Variants in GLB1 observed in about 807,000 individuals in gnomAD.
GLB1 encodes galactosidase beta 1, also known as beta-galactosidase.
A neutral mutation model predicts 74.0 loss-of-function variants in GLB1; 56 were observed. The ratio of observed to expected loss-of-function variants is 0.76; its 90% CI spans 0.61 to 0.94. The LOEUF (loss-of-function observed/expected upper bound fraction) is 0.94, where lower values mean the gene tolerates loss of function less well. GLB1 is among the 40% of genes least tolerant of loss of function. The pLI is 0.00. For missense variants in GLB1, 787 were observed against 845.5 expected, an observed-to-expected ratio of 0.93 and a Z score of 0.86; for synonymous variants, 323 against 323.6, an observed-to-expected ratio of 1.00 and a Z score of 0.02.
chr3:33,045,216 C>G (rs1698690521), intron 10 of GLB1: 1 of 480,858 alleles, frequency 2.1e-6, no homozygotes, highest in African/African-American at 2.1e-5. Flanking sequence ...AATTAACAAT[C>G]AGTAGACTGA....
intron 14 of GLB1, among the ~76,000 whole-genome samples, chr3:33,014,751 G>C (rs376647386): frequency 6.6e-6 from 1 of 152,304 alleles, no homozygotes; most frequent in East Asian, 1.9e-4. Context: ...CAGATCACTT[G>C]AGGTTAGGAG....
the GLB1 span, among the ~76,000 whole-genome samples, chr3:32,981,090 C>CAAAAAA: frequency 6.5e-5 from 3 of 46,298 alleles, no homozygotes; most frequent in Non-Finnish European, 1.1e-4. Context: ...GACTCCGTCT[C>CAAAAAA]AAAAAAAAAA....
At chr3:32,965,214 T>C in the GLB1 span, among the ~76,000 whole-genome samples, 1 of 151,860 alleles carries the variant, frequency 6.6e-6, no homozygotes, top group East Asian at 1.9e-4. Flanking sequence ...CAGGCAGAGG[T>C]TGGAACAGTT....
At chr3:33,064,499 G>A (rs1310651029) in intron 5 of GLB1, among the ~76,000 whole-genome samples, 3 of 147,306 alleles carry the variant, frequency 2.0e-5, no homozygotes, top group South Asian at 2.2e-4. Flanking sequence ...GGTCATAGCC[G>A]GGCACGGTGG....
At chr3:33,014,006 C>T in intron 15 of GLB1, 50 bp downstream of exon 15, 1 of 1,613,934 alleles carries the variant, frequency 6.2e-7, no homozygotes, top group African/African-American at 1.3e-5. Context: ...CAGACACTAA[C>T]AACCAAAAGT....
chr3:32,997,927 C>G (rs1381814019), intron 15 of GLB1, among the ~76,000 whole-genome samples: 1 of 152,180 alleles, frequency 6.6e-6, no homozygotes, highest in African/African-American at 2.4e-5. Flanking sequence ...CCCAAAACAA[C>G]CCCTCAAGAG....
the GLB1 span, among the ~76,000 whole-genome samples, chr3:32,970,126 C>A: frequency 2.0e-5 from 3 of 152,178 alleles, no homozygotes; most frequent in African/African-American, 4.8e-5. Flanking sequence ...AGACAATGAA[C>A]CAACATTTGT....
chr3:33,024,192 A>C lies in GLB1; in HGVS notation c.1143+59T>G, dbSNP rs1697631216. 3 of 1,545,852 alleles carry C rather than the reference A, an allele frequency of 1.9e-6. No homozygotes were observed. The African/African-American group carries it at 4.1e-5, about 21-fold the overall frequency. ...CAGCACTTTCACTCACTGCTACTAA[A>C]TTCCACTTTCTCACTCCCATCTCTC... On this transcript the variant is annotated intron_variant, in intron 11 of 15. Coordinates refer to ENST00000307363, the MANE Select transcript of GLB1 (RefSeq NM_000404.4).
chr3:33,060,566 G>C (rs138467996), intron 5 of GLB1, among the ~76,000 whole-genome samples: 1 of 152,090 alleles, frequency 6.6e-6, no homozygotes, highest in African/African-American at 2.4e-5. Context: ...ATGTTCTCTT[G>C]AGCTCACCCC....
At chr3:33,044,406 C>T (rs1698661241) in intron 10 of GLB1, among the ~76,000 whole-genome samples, 1 of 151,884 alleles carries the variant, frequency 6.6e-6, no homozygotes, top group Non-Finnish European at 1.5e-5. Context: ...CACAGCAGTA[C>T]TTGAAGGAAA....
downstream of GLB1, among the ~76,000 whole-genome samples, chr3:32,993,527 T>C (rs1032004324): frequency 2.1e-3 from 267 of 126,864 alleles, 2 homozygotes; most frequent in African/African-American, 7.4e-3. Flanking sequence ...AGCTAATTTT[T>C]TTTTTTTTTT....
chr3:33,038,536 C>CA (rs201887295), intron 10 of GLB1, among the ~76,000 whole-genome samples: 3,379 of 152,036 alleles, frequency 0.022, 130 homozygotes, highest in African/African-American at 0.075. Context: ...GTTACAATTC[C>CA]AAAAAAATGG....
At chr3:32,976,614 C>G in the GLB1 span, among the ~76,000 whole-genome samples, 1 of 152,212 alleles carries the variant, frequency 6.6e-6, no homozygotes, top group Non-Finnish European at 1.5e-5. Flanking sequence ...CGGGACTCTT[C>G]TCCGGGAAGC....
intron 1 of GLB1, among the ~76,000 whole-genome samples, chr3:33,089,156 G>C (rs909391879): frequency 1.3e-5 from 2 of 152,080 alleles, no homozygotes; most frequent in Admixed American, 6.5e-5. Flanking sequence ...AGACCTAAAC[G>C]TAAGACCCAA....
chr3:32,995,844 C>CA (rs71070110), downstream of GLB1, among the ~76,000 whole-genome samples: 11,588 of 124,094 alleles, frequency 0.093, 545 homozygotes, highest in African/African-American at 0.11. Flanking sequence ...GACCCAGCCT[C>CA]AAAAAAAAAA....
chr3:33,045,565 T>C (rs11927929), intron 10 of GLB1: 426,548 of 989,886 alleles, frequency 0.43, 97,328 homozygotes, highest in Middle Eastern at 0.55. Context: ...ATAATTCTTA[T>C]ACACTTTGGT....
chr3:33,094,019 G>A (rs944259016), intron 1 of GLB1: 1 of 1,614,220 alleles, frequency 6.2e-7, no homozygotes, highest in Non-Finnish European at 8.5e-7. Context: ...TGTAGAGGGA[G>A]CCAATGAGCA....
At chr3:32,983,275 C>G in the GLB1 span, among the ~76,000 whole-genome samples, 7 of 151,934 alleles carry the variant, frequency 4.6e-5, no homozygotes, top group Non-Finnish European at 1.0e-4. Flanking sequence ...GTCTCTAAAC[C>G]TTTCTTTCAT....
chr3:33,068,739 T>G (rs1219324338), intron 3 of GLB1, 81 bp downstream of exon 3: 1 of 1,609,832 alleles, frequency 6.2e-7, no homozygotes, highest in Non-Finnish European at 8.5e-7. Flanking sequence ...GGAATGCAGG[T>G]CTGCTTTAAT....
Sources: allele counts gnomAD v4.1 joint callset (sites outside exome capture counted in the v4.1 genomes callset), GRCh38; gene constraint gnomAD v4.1.1; transcripts MANE v1.5; gene names NCBI Gene and HGNC (gene_info 2026-07-23, HGNC 2026-07-21).